The following MED31 variants were observed in gnomAD, a reference collection of about 807,000 sequenced individuals.
The protein encoded by MED31 is mediator complex subunit 31, also known as mediator of RNA polymerase II transcription subunit 31.
A neutral mutation model predicts 22.0 loss-of-function variants in MED31; 11 were observed. The observed-to-expected ratio is 0.50, with a 90% confidence interval of 0.31 to 0.83. The LOEUF is 0.83. Among genes scored for constraint, MED31 ranks in the 40% least tolerant of loss-of-function variants. MED31 has a pLI of 0.04. For synonymous variants in MED31, 60 were observed against 55.1 expected (o/e 1.09, Z -0.40); for missense variants, 122 against 155.3 (o/e 0.79, Z 1.14).
chr17:6,651,350 T>C (rs1972832914), intron 1 of MED31, 151 bp downstream of exon 1: 1 of 1,064,544 alleles, frequency 9.4e-7, no homozygotes, highest in Non-Finnish European at 1.3e-6. Context: ...AAAGAGTACC[T>C]TAGTCTTTCT....
intron 3 of MED31, 141 bp downstream of exon 3, chr17:6,649,841 G>T: frequency 1.2e-6 from 1 of 806,652 alleles, no homozygotes; most frequent in South Asian, 2.8e-5. Context: ...TTACAAGTTA[G>T]AGATGAGGGT....
chr17:6,645,625 G>A (rs945390372), intron 3 of MED31, among the ~76,000 whole-genome samples: 5 of 152,144 alleles, frequency 3.3e-5, no homozygotes, highest in African/African-American at 7.2e-5. Context: ...AATACTTAGC[G>A]CAAGAAAATA....
Position 6,644,154 on chromosome 17 carries a change from G to A in MED31, c.*313C>T, listed in dbSNP as rs773825877. Reference sequence around the variant, plus strand: ...AGCCTTAGAATTCAGTATACTTGGTGGCCCACCCCTACCCCATGCCCCAGT... The same window carrying A: ...AGCCTTAGAATTCAGTATACTTGGTAGCCCACCCCTACCCCATGCCCCAGT... On this transcript the variant is annotated 3_prime_UTR_variant, in exon 4 of 4. Transcript: ENST00000225728. The A allele has an allele frequency of 1.2e-5, 5 of 427,216 alleles. No homozygotes were observed. The highest frequency in any genetic ancestry group is 2.1e-5 in the Non-Finnish European group (5 of 242,668). 26.5% of individuals were successfully genotyped at this position (427,216 alleles called of 1,614,324 possible).
chr17:6,651,441 A>G (rs1203047893), intron 1 of MED31, 60 bp downstream of exon 1: 2 of 1,606,932 alleles, frequency 1.2e-6, no homozygotes, highest in African/African-American at 1.3e-5. Context: ...GCCACGGGGA[A>G]GAGGTCTGGG....
At chr17:6,644,997 T>G (rs1409433720) in intron 3 of MED31, among the ~76,000 whole-genome samples, 1 of 152,186 alleles carries the variant, frequency 6.6e-6, no homozygotes, top group African/African-American at 2.4e-5. Flanking sequence ...TTTTAGTAAT[T>G]ATGTGTTTAA....
chr17:6,645,693 G>T lies in MED31; in HGVS notation c.204-1034C>A, dbSNP rs568908333. ...AGAATCCAAAAGTCCACACTAAATG[G>T]ATGTAAATTTCTTTAATAAAATAAT... On this transcript the variant is annotated intron_variant, in intron 3 of 3. Coordinates refer to ENST00000225728, the MANE Select transcript of MED31 (RefSeq NM_016060.3). 5.3e-5 allele frequency among the ~76,000 whole-genome samples: 8 copies of T among 152,198 alleles called. No homozygotes were observed. The East Asian group carries it at 1.5e-3, about 29-fold the overall frequency.
intron 3 of MED31, among the ~76,000 whole-genome samples, chr17:6,645,521 T>C (rs1211774066): frequency 6.6e-6 from 1 of 152,150 alleles, no homozygotes; most frequent in Non-Finnish European, 1.5e-5. Context: ...CCTGGAACAT[T>C]ACGTAGTGCC....
At chr17:6,645,871 A>G (rs893750305) in intron 3 of MED31, among the ~76,000 whole-genome samples, 1 of 152,258 alleles carries the variant, frequency 6.6e-6, no homozygotes, top group African/African-American at 2.4e-5. Context: ...TGATATTTAC[A>G]TAGTCTCAAA....
At chr17:6,649,947 A>C in intron 3 of MED31, 35 bp downstream of exon 3, 1 of 1,539,346 alleles carries the variant, frequency 6.5e-7, no homozygotes, top group Non-Finnish European at 8.7e-7. Flanking sequence ...ATAATAAAGT[A>C]TACACATGCT....
Position 6,649,127 on chromosome 17 carries a change from CTT to C in MED31, c.203+853_203+854del, listed in dbSNP as rs34435114. Among the ~76,000 whole-genome samples the C allele has an allele frequency of 6.1e-4, 88 of 144,786 alleles. 2 individuals are homozygous for C. Among genetic ancestry groups the C allele is most frequent in the East Asian group, 1.0e-3 (5 of 4,988 alleles). The allele number at this position is 144,786 out of a possible 152,430, so 95.0% of individuals were successfully genotyped here. A position where few individuals can be genotyped will look rare whatever the true frequency, so the allele number is the denominator to read the frequency against. On this transcript the variant is annotated intron_variant, in intron 3 of 3. Transcript: ENST00000225728. ...AAGTTTGAAACATTTTCCTCTCAAACTTTTTTTTTTTTTTAAAGGTTCATTAT... is the reference window on the plus strand; with the variant it reads ...AAGTTTGAAACATTTTCCTCTCAAACTTTTTTTTTTTTAAAGGTTCATTAT...
intron 2 of MED31, 125 bp from the exon 3 acceptor site, chr17:6,650,203 A>C: frequency 8.1e-7 from 1 of 1,239,718 alleles, no homozygotes; most frequent in Non-Finnish European, 1.1e-6. Context: ...GATTCAAAAC[A>C]CAAGTCCCAG....
intron 3 of MED31, among the ~76,000 whole-genome samples, chr17:6,647,646 A>C (rs1268070941): frequency 1.3e-5 from 2 of 152,348 alleles, no homozygotes; most frequent in African/African-American, 2.4e-5. Context: ...CTATCCACAC[A>C]CTAAAAATAC....
Position 6,643,768 on chromosome 17 carries a change from T to G in MED31, c.*699A>C, listed in dbSNP as rs1972727495. The G allele has an allele frequency of 4.6e-6, 1 of 216,712 alleles. No individual in the cohort carries two copies. The allele number at this position is 216,712 out of a possible 1,614,324, so 13.4% of individuals were successfully genotyped here. A position where few individuals can be genotyped will look rare whatever the true frequency, so the allele number is the denominator to read the frequency against. ...GGAAGCACTTAACATAGCACCTGGTTTGTGGTACCTCCCAAATCAATGGTA... is the reference window on the plus strand; with the variant it reads ...GGAAGCACTTAACATAGCACCTGGTGTGTGGTACCTCCCAAATCAATGGTA... On this transcript the variant is annotated 3_prime_UTR_variant, in exon 4 of 4. Transcript: ENST00000225728.
At position 6,645,525 on chromosome 17, in the gene MED31, T is replaced by C. The variant is rs191306473; in HGVS notation, c.204-866A>G. On this transcript the variant is annotated intron_variant, in intron 3 of 3. Transcript: ENST00000225728. ...TACAAGATGAGCCTGGAACATTACG[T>C]AGTGCCAGAAGAAAAAGTGCTAAAA... Among the ~76,000 whole-genome samples, 231 of 152,230 alleles carry C rather than the reference T, an allele frequency of 1.5e-3. 1 individual carries two copies. The highest frequency in any genetic ancestry group is 5.5e-3 in the African/African-American group (228 of 41,538).
intron 1 of MED31, 129 bp from the exon 2 acceptor site, chr17:6,650,562 G>T: frequency 2.7e-6 from 2 of 744,430 alleles, no homozygotes; most frequent in Non-Finnish European, 4.3e-6. Flanking sequence ...AGGAGTGGGA[G>T]GAGATAAACC....
At chr17:6,650,460 G>C in intron 1 of MED31, 27 bp from the exon 2 acceptor site, 1 of 1,598,854 alleles carries the variant, frequency 6.3e-7, no homozygotes, top group Non-Finnish European at 8.6e-7. Flanking sequence ...CAAAAATCAT[G>C]GAAAACAAAG....
intron 3 of MED31, 81 bp from the exon 4 acceptor site, chr17:6,644,740 A>T (rs924738711): frequency 1.4e-6 from 2 of 1,414,966 alleles, no homozygotes; most frequent in African/African-American, 2.9e-5. Flanking sequence ...TCTCTTAAAA[A>T]CGATCTTGTA....
At chr17:6,651,390 G>T in intron 1 of MED31, 111 bp downstream of exon 1, 2 of 1,397,046 alleles carry the variant, frequency 1.4e-6, no homozygotes, top group Non-Finnish European at 2.0e-6. Flanking sequence ...TCTCCTCTCT[G>T]TCCAAATATT....
At chr17:6,650,491 T>C (rs988287334) in intron 1 of MED31, 58 bp from the exon 2 acceptor site, 1 of 1,504,442 alleles carries the variant, frequency 6.6e-7, no homozygotes, top group African/African-American at 1.4e-5. Context: ...ATAATACTGA[T>C]TTGTAGTAAG....
Sources: allele counts gnomAD v4.1 joint callset (sites outside exome capture counted in the v4.1 genomes callset), GRCh38; gene constraint gnomAD v4.1.1; transcripts MANE v1.5; gene names NCBI Gene and HGNC (gene_info 2026-07-23, HGNC 2026-07-21).